CCSER1: variants seen among roughly 807,000 people sequenced by gnomAD.
CCSER1 encodes the protein serine-rich coiled-coil domain-containing protein 1.
CCSER1 carries 41 observed loss-of-function variants against 82.0 expected under a neutral mutation model. The ratio of observed to expected loss-of-function variants is 0.50; its 90% CI spans 0.39 to 0.65. The LOEUF (loss-of-function observed/expected upper bound fraction) is 0.65. CCSER1 is among the 30% of genes least tolerant of loss of function. The pLI is 0.00. For missense variants in CCSER1, 1,119 were observed against 1,064.2 expected, an observed-to-expected ratio of 1.05 and a Z score of -0.72; for synonymous variants, 414 against 383.9, an observed-to-expected ratio of 1.08 and a Z score of -0.92.
At chr4:90,975,096 A>G (rs544054942) in intron 9 of CCSER1, among the ~76,000 whole-genome samples, 7 of 151,554 alleles carry the variant, frequency 4.6e-5, no homozygotes, top group South Asian at 2.1e-4. Context: ...TATGTTTAGT[A>G]AAAGAAGCTC....
At chr4:91,552,464 CAG>C (rs1418028700) in intron 10 of CCSER1, among the ~76,000 whole-genome samples, 1 of 151,618 alleles carries the variant, frequency 6.6e-6, no homozygotes, top group Admixed American at 6.6e-5. Context: ...GATCATTATA[CAG>C]AGTCATAATT....
intron 9 of CCSER1, among the ~76,000 whole-genome samples, chr4:90,988,428 T>C (rs143296690): frequency 1.1e-3 from 168 of 151,358 alleles, no homozygotes; most frequent in Middle Eastern, 3.4e-3. Flanking sequence ...TAACATAATG[T>C]TGATTTTTTT....
chr4:90,410,097 T>A (rs1754444676), intron 4 of CCSER1, among the ~76,000 whole-genome samples: 1 of 152,192 alleles, frequency 6.6e-6, no homozygotes, highest in African/African-American at 2.4e-5. Context: ...TAAATATGCA[T>A]GCACCCATTA....
chr4:90,391,496 A>ACACT (rs1751117641), intron 3 of CCSER1, among the ~76,000 whole-genome samples: 1 of 80,112 alleles, frequency 1.2e-5, no homozygotes, highest in African/African-American at 8.7e-5. Context: ...ACACACACAC[A>ACACT]GTGGGTAAAT....
At chr4:91,527,137 T>A (rs1760807894) in intron 10 of CCSER1, among the ~76,000 whole-genome samples, 1 of 152,168 alleles carries the variant, frequency 6.6e-6, no homozygotes, top group Non-Finnish European at 1.5e-5. Flanking sequence ...TAACAGATCT[T>A]TAAAGAGAAA....
At chr4:90,802,025 C>T (rs1387623051) in intron 7 of CCSER1, among the ~76,000 whole-genome samples, 2 of 151,812 alleles carry the variant, frequency 1.3e-5, no homozygotes, top group Non-Finnish European at 2.9e-5. Context: ...CAAGATCAAC[C>T]TGGCCAATAT....
At position 91,474,808 on chromosome 4, in the gene CCSER1, TATATACAC is replaced by T. The variant is rs1489714394; in HGVS notation, c.2218-123762_2218-123755del. 3.1e-4 allele frequency among the ~76,000 whole-genome samples: 20 copies of T among 64,258 alleles called. No individual in the cohort carries two copies. In the East Asian group the frequency reaches 4.2e-3, roughly 13 times the overall value. The allele number at this position is 64,258 out of a possible 152,430, so 42.2% of individuals were successfully genotyped here. On this transcript the variant is annotated intron_variant, in intron 10 of 10. Transcript: ENST00000509176. ...TTGTGTATATATATATATATATATATATATACACACACACACACACACACACACACATT... is the reference window on the plus strand; with the variant it reads ...TTGTGTATATATATATATATATATATACACACACACACACACACACACATT...
At chr4:90,911,392 T>A (rs1369952896) in intron 8 of CCSER1, 1 of 449,154 alleles carries the variant, frequency 2.2e-6, no homozygotes. Flanking sequence ...CTGTATAATG[T>A]TGCATTTTCA....
intron 10 of CCSER1, among the ~76,000 whole-genome samples, chr4:91,546,388 T>C (rs1761889832): frequency 6.6e-6 from 1 of 152,124 alleles, no homozygotes; most frequent in South Asian, 2.1e-4. Context: ...TTAACCCATG[T>C]CTTTTTTTGG....
chr4:91,160,154 T>C (rs548174361), intron 10 of CCSER1, among the ~76,000 whole-genome samples: 1 of 152,276 alleles, frequency 6.6e-6, no homozygotes, highest in South Asian at 2.1e-4. Context: ...TGTTTGGTTT[T>C]CTGTCGTTGT....
chr4:90,607,323 T>C (rs1784858521), intron 5 of CCSER1, among the ~76,000 whole-genome samples: 1 of 152,180 alleles, frequency 6.6e-6, no homozygotes. Flanking sequence ...ACACTAAATA[T>C]AAAAACTTTA....
At chr4:91,039,215 T>TC (rs977985771) in intron 9 of CCSER1, among the ~76,000 whole-genome samples, 4 of 151,038 alleles carry the variant, frequency 2.6e-5, no homozygotes, top group East Asian at 1.9e-4. Flanking sequence ...TTTCTTTCTT[T>TC]TTTTTTTTAT....
intron 5 of CCSER1, among the ~76,000 whole-genome samples, chr4:90,524,209 T>G (rs566971529): frequency 6.6e-6 from 1 of 152,176 alleles, no homozygotes; most frequent in South Asian, 2.1e-4. Context: ...AAAGATACCT[T>G]AGGAGCTTAT....
At chr4:90,615,037 G>C (rs1218821575) in intron 5 of CCSER1, among the ~76,000 whole-genome samples, 2 of 152,110 alleles carry the variant, frequency 1.3e-5, no homozygotes, top group Non-Finnish European at 2.9e-5. Flanking sequence ...GGGCCCTTAA[G>C]AATTATGTCT....
intron 9 of CCSER1, among the ~76,000 whole-genome samples, chr4:90,975,854 T>A (rs957383733): frequency 3.3e-5 from 5 of 151,352 alleles, no homozygotes; most frequent in African/African-American, 7.3e-5. Flanking sequence ...ATACTCATTA[T>A]ATTAATTATT....
At chr4:91,388,602 A>G (rs977561317) in intron 10 of CCSER1, among the ~76,000 whole-genome samples, 6 of 152,076 alleles carry the variant, frequency 3.9e-5, no homozygotes, top group African/African-American at 1.4e-4. Context: ...CCATTCTTAT[A>G]GGTGTGTAGT....
rs866264570 is a variant in CCSER1, at chr4:90,255,011, G to A, written c.-41-53233G>A. Among the ~76,000 whole-genome samples the A allele has an allele frequency of 4.6e-3, 589 of 128,100 alleles. 2 individuals carry two copies. Among genetic ancestry groups the A allele is most frequent in the African/African-American group, 0.012 (375 of 32,098 alleles). The allele number at this position is 128,100 out of a possible 152,430, so 84.0% of individuals were successfully genotyped here. A position where few individuals can be genotyped will look rare whatever the true frequency, so the allele number is the denominator to read the frequency against. ...CACACACACACACACACACACACACGCACACTTTATGAACATATTGATTCT... is the reference window on the plus strand; with the variant it reads ...CACACACACACACACACACACACACACACACTTTATGAACATATTGATTCT... On this transcript the variant is annotated intron_variant, in intron 1 of 10. Coordinates refer to ENST00000509176, the MANE Select transcript of CCSER1 (RefSeq NM_001145065.2).
intron 10 of CCSER1, among the ~76,000 whole-genome samples, chr4:91,305,563 T>C (rs1744994016): frequency 6.6e-6 from 1 of 152,098 alleles, no homozygotes; most frequent in Admixed American, 6.6e-5. Context: ...TAATTAATGA[T>C]TGATTCATAC....
At chr4:91,191,788 G>A (rs998996384) in intron 10 of CCSER1, among the ~76,000 whole-genome samples, 42 of 152,246 alleles carry the variant, frequency 2.8e-4, no homozygotes, top group Non-Finnish European at 5.6e-4. Flanking sequence ...TGTTGCATCC[G>A]TACCATGGTG....
Sources: gnomAD v4.1 joint callset for allele counts (sites outside exome capture counted in the v4.1 genomes callset) on GRCh38, gnomAD v4.1.1 for gene constraint, MANE v1.5 for transcripts, NCBI Gene and HGNC (gene_info 2026-07-23, HGNC 2026-07-21) for gene names.